The following KATNIP variants were observed in gnomAD, a reference collection of about 807,000 sequenced individuals.
KATNIP encodes katanin-interacting protein.
Under a neutral mutation model 174.0 loss-of-function variants are expected in KATNIP, and 126 were observed. The observed-to-expected ratio is 0.72, with a 90% CI of 0.63 to 0.84. KATNIP has a LOEUF of 0.84. Among genes scored for constraint, KATNIP ranks in the 40% least tolerant of loss-of-function variants. The probability of loss-of-function intolerance (pLI) is 0.00; values close to 1 mark genes in which losing one functional copy is unlikely to be tolerated. For synonymous variants in KATNIP, 810 were observed against 835.7 expected, an observed-to-expected ratio of 0.97 and a Z score of 0.53; for missense variants, 1,958 against 2,109.7, an observed-to-expected ratio of 0.93 and a Z score of 1.41.
At chr16:27,596,469 T>A (rs930169529) in intron 2 of KATNIP, among the ~76,000 whole-genome samples, 1 of 152,078 alleles carries the variant, frequency 6.6e-6, no homozygotes, top group African/African-American at 2.4e-5. Context: ...CAGCTGGAGA[T>A]GGGAATCCAG....
chr16:27,771,710 C>A, intron 22 of KATNIP, 58 bp downstream of exon 22: 1 of 1,553,920 alleles, frequency 6.4e-7, no homozygotes, highest in East Asian at 2.3e-5. Context: ...GCGCCTGGGC[C>A]GCAACTGCCC....
chr16:27,732,083 G>A (rs2080715128), intron 14 of KATNIP, among the ~76,000 whole-genome samples: 1 of 152,214 alleles, frequency 6.6e-6, no homozygotes, highest in South Asian at 2.1e-4. Flanking sequence ...CTCCCAATTT[G>A]TAAATATTAC....
chr16:27,646,378 T>C (rs1051538345), intron 5 of KATNIP, among the ~76,000 whole-genome samples: 2 of 152,180 alleles, frequency 1.3e-5, no homozygotes, highest in African/African-American at 4.8e-5. Context: ...GCTGTTCTCA[T>C]TGCTGCCTTA....
chr16:27,677,141 C>G (rs1239415885), intron 6 of KATNIP, among the ~76,000 whole-genome samples: 1 of 152,162 alleles, frequency 6.6e-6, no homozygotes, highest in African/African-American at 2.4e-5. Flanking sequence ...AATCTTGAAG[C>G]AGTTGTAGTT....
chr16:27,726,490 T>C (rs903052743), intron 14 of KATNIP, among the ~76,000 whole-genome samples: 1 of 152,158 alleles, frequency 6.6e-6, no homozygotes, highest in African/African-American at 2.4e-5. Context: ...ATTTTAGTTT[T>C]AAGTAGCCAC....
chr16:27,618,606 G>C, intron 3 of KATNIP, 105 bp downstream of exon 3: 2 of 749,554 alleles, frequency 2.7e-6, no homozygotes, highest in Non-Finnish European at 2.4e-6. Context: ...ATGGGATGCA[G>C]AGTCCCCCTC....
At chr16:27,586,722 G>T (rs2090909796) in intron 2 of KATNIP, among the ~76,000 whole-genome samples, 2 of 151,966 alleles carry the variant, frequency 1.3e-5, no homozygotes, top group South Asian at 4.2e-4. Flanking sequence ...CCAGCTACTT[G>T]GGAGGCCGAG....
chr16:27,775,010 G>T lies in KATNIP; in HGVS notation c.4375G>T (p.Asp1459Tyr), dbSNP rs1306447006. 6.2e-7 allele frequency: 1 copy of T among 1,613,810 alleles called. No individual in the cohort carries two copies. Among genetic ancestry groups the T allele is most frequent in the East Asian group, 2.2e-5 (1 of 44,844 alleles). ...EGVGGDVRTP[D>Y]KLIDQVNDTS... ...TGTGGGCGGGGACGTCCGCACCCCA[G>T]ACAAGCTCATCGACCAAGTGAACGA... Residue 1459 changes from aspartate to tyrosine, a missense_variant, in exon 24 of 28, where the codon GAC (aspartate) becomes TAC (tyrosine). Asp to Tyr is a radical substitution (Grantham distance 160). Transcript: ENST00000261588.
chr16:27,554,647 T>C (rs1036135500), intron 1 of KATNIP, among the ~76,000 whole-genome samples: 2 of 152,136 alleles, frequency 1.3e-5, no homozygotes, highest in Admixed American at 1.3e-4. Flanking sequence ...AGGACGTTAT[T>C]GTAGCCTAGT....
At chr16:27,588,859 C>A (rs1238336821) in intron 2 of KATNIP, among the ~76,000 whole-genome samples, 1 of 145,334 alleles carries the variant, frequency 6.9e-6, no homozygotes, top group Admixed American at 6.9e-5. Flanking sequence ...GGAGCTTTTT[C>A]TATTTATGCA....
intron 2 of KATNIP, among the ~76,000 whole-genome samples, chr16:27,613,696 G>A (rs58159025): frequency 0.083 from 12,698 of 152,126 alleles, 646 homozygotes; most frequent in African/African-American, 0.1. Flanking sequence ...TCGTGTATAT[G>A]GAAATGCTGG....
chr16:27,671,882 C>T (rs2077919736), intron 6 of KATNIP, among the ~76,000 whole-genome samples: 1 of 151,996 alleles, frequency 6.6e-6, no homozygotes, highest in South Asian at 2.1e-4. Context: ...ATGGTAAAAC[C>T]CCGTCTCTAC....
chr16:27,570,334 C>T (rs2090241019), intron 1 of KATNIP, among the ~76,000 whole-genome samples: 1 of 151,940 alleles, frequency 6.6e-6, no homozygotes, highest in Non-Finnish European at 1.5e-5. Flanking sequence ...GAGGCCTAGA[C>T]AGGCGGTTCA....
chr16:27,550,159 C>T lies in KATNIP; in HGVS notation c.-12C>T. 6.2e-7 allele frequency: 1 copy of T among 1,612,642 alleles called. No homozygotes were observed. Among genetic ancestry groups the T allele is most frequent in the Non-Finnish European group, 8.5e-7 (1 of 1,178,974 alleles). On this transcript the variant is annotated 5_prime_UTR_variant, in exon 1 of 28. Transcript: ENST00000261588. ...CTTCCGGTTCGAGCTCCCGGAACCG[C>T]CGCCTCTAGGGATGGACGGTGAGTG...
At chr16:27,619,476 T>C (rs2076135203) in intron 3 of KATNIP, among the ~76,000 whole-genome samples, 1 of 151,762 alleles carries the variant, frequency 6.6e-6, no homozygotes, top group African/African-American at 2.4e-5. Context: ...GTTATCGGAG[T>C]GGGCTTAGGG....
At chr16:27,720,098 CTGTTTGTT>C (rs539636629) in intron 13 of KATNIP, among the ~76,000 whole-genome samples, 2 of 152,080 alleles carry the variant, frequency 1.3e-5, no homozygotes, top group Non-Finnish European at 2.9e-5. Flanking sequence ...AGTCTCTTCT[CTGTTTGTT>C]TGTTTGTTTG....
chr16:27,681,706 G>T (rs1354298630), intron 8 of KATNIP, among the ~76,000 whole-genome samples, 176 bp downstream of exon 8: 6 of 152,256 alleles, frequency 3.9e-5, no homozygotes, highest in Non-Finnish European at 5.9e-5. Context: ...TATGGAGGGA[G>T]AGTGAGAGAG....
intron 23 of KATNIP, among the ~76,000 whole-genome samples, chr16:27,774,347 C>T (rs2082416271): frequency 6.6e-6 from 1 of 152,184 alleles, no homozygotes; most frequent in Non-Finnish European, 1.5e-5. Flanking sequence ...CTCTGAGATC[C>T]TCACATCCAT....
chr16:27,699,792 C>T (rs2079036726), intron 10 of KATNIP, among the ~76,000 whole-genome samples, 193 bp downstream of exon 10: 1 of 152,258 alleles, frequency 6.6e-6, no homozygotes, highest in African/African-American at 2.4e-5. Flanking sequence ...GCCCATTTCA[C>T]AGATCGGGAG....
Sources: gnomAD v4.1 joint callset for allele counts (sites outside exome capture counted in the v4.1 genomes callset) on GRCh38, gnomAD v4.1.1 for gene constraint, MANE v1.5 for transcripts, NCBI Gene and HGNC (gene_info 2026-07-23, HGNC 2026-07-21) for gene names.